Variants in ERCC6L2 observed in about 807,000 individuals in gnomAD.
The protein encoded by ERCC6L2 is ERCC excision repair 6 like 2.
ERCC6L2 carries 77 observed loss-of-function variants against 132.0 expected under a neutral mutation model. The ratio of observed to expected loss-of-function variants is 0.58; its 90% CI spans 0.49 to 0.71. ERCC6L2 has a LOEUF of 0.71. Among genes scored for constraint, ERCC6L2 ranks in the 30% least tolerant of loss-of-function variants. The pLI is 0.00. For missense variants in ERCC6L2, 1,542 were observed against 1,837.6 expected (o/e 0.84, Z 2.94); for synonymous variants, 583 against 632.4 (o/e 0.92, Z 1.17).
chr9:95,965,526 T>G (rs181831591), intron 13 of ERCC6L2, among the ~76,000 whole-genome samples: 39 of 152,232 alleles, frequency 2.6e-4, no homozygotes, highest in Middle Eastern at 6.8e-3. Context: ...CTTTTTTTGT[T>G]TTTTGTGACG....
intron 17 of ERCC6L2, among the ~76,000 whole-genome samples, chr9:95,985,915 G>A (rs922756788): frequency 3.3e-5 from 5 of 152,344 alleles, no homozygotes; most frequent in African/African-American, 1.2e-4. Context: ...GGGATACGAA[G>A]ATGAACAAAC....
intron 4 of ERCC6L2, 52 bp downstream of exon 4, chr9:95,907,323 C>A: frequency 8.7e-7 from 1 of 1,144,360 alleles, no homozygotes; most frequent in Non-Finnish European, 1.2e-6. Flanking sequence ...CTACTTACAT[C>A]CCTTTATATT....
chr9:95,916,569 G>A (rs137975141), intron 6 of ERCC6L2, 135 bp downstream of exon 6: 191 of 645,420 alleles, frequency 3.0e-4, no homozygotes, highest in Non-Finnish European at 4.0e-4. Context: ...AAATTGTTGC[G>A]CGCAGAATTT....
In ERCC6L2 at chr9:96,012,424, C is replaced by T. The variant is rs761192933; in HGVS notation, c.3874C>T (p.Arg1292Cys). The T allele has an allele frequency of 3.7e-6, 5 of 1,363,712 alleles. No individual in the cohort carries two copies. The highest frequency in any genetic ancestry group is 2.1e-4 in the Middle Eastern group (1 of 4,780). The allele number at this position is 1,363,712 out of a possible 1,614,324, so 84.5% of individuals were successfully genotyped here. The change falls in exon 19 of 19, where the codon CGC becomes TGC. Residue 1292 changes from arginine to cysteine, a missense_variant. Transcript: ENST00000653738. ...TTCTTCCTTTGAGAAAGGAGAGCAG[C>T]GCACCCGGAAGAAATCTGATAAAAG... ...NNSSFEKGEQ[R>C]TRKKSDKRES...
At chr9:95,887,913 C>A (rs1827960139) in intron 2 of ERCC6L2, among the ~76,000 whole-genome samples, 2 of 152,150 alleles carry the variant, frequency 1.3e-5, no homozygotes, top group Admixed American at 1.3e-4. Flanking sequence ...GGTTAATTAG[C>A]CCCCAGATCC....
chr9:95,921,956 G>A (rs2132745517), intron 7 of ERCC6L2, among the ~76,000 whole-genome samples: 1 of 152,214 alleles, frequency 6.6e-6, no homozygotes, highest in South Asian at 2.1e-4. Flanking sequence ...GAGCCTTGGA[G>A]CATAAATGAG....
intron 11 of ERCC6L2, among the ~76,000 whole-genome samples, chr9:95,932,878 AT>A (rs562219750): frequency 1.6e-4 from 25 of 152,160 alleles, no homozygotes; most frequent in African/African-American, 5.5e-4. Context: ...CAATATTAAA[AT>A]TTTTTTTGCT....
chr9:96,010,317 T>C (rs1833986187), intron 18 of ERCC6L2, among the ~76,000 whole-genome samples: 1 of 152,178 alleles, frequency 6.6e-6, no homozygotes, highest in African/African-American at 2.4e-5. Flanking sequence ...AAGTTGTGAG[T>C]GTGCTTTATG....
At chr9:96,036,850 T>C (rs1435228246) in intron 19 of ERCC6L2, among the ~76,000 whole-genome samples, 1 of 147,766 alleles carries the variant, frequency 6.8e-6, no homozygotes, top group Non-Finnish European at 1.5e-5. Context: ...CACTGCAAGC[T>C]CCGCCTCCCG....
chr9:96,022,870 C>T (rs371220905), downstream of ERCC6L2, among the ~76,000 whole-genome samples: 2 of 152,320 alleles, frequency 1.3e-5, no homozygotes, highest in East Asian at 3.9e-4. Flanking sequence ...ATACCGCAGG[C>T]TCCTAACCTC....
Position 95,955,989 on chromosome 9 carries a change from G to A in ERCC6L2, c.1923G>A (p.Met641Ile), listed in dbSNP as rs182252007. 3.7e-5 allele frequency: 59 copies of A among 1,604,946 alleles called. No homozygotes were observed. The highest frequency in any genetic ancestry group is 4.7e-5 in the Non-Finnish European group (55 of 1,174,670). Residue 641 changes from methionine (M) to isoleucine (I), a missense_variant, in exon 13 of 19, where the codon ATG becomes ATA. Met to Ile is a conservative substitution (Grantham distance 10, BLOSUM62 1). This residue lies in a region of ERCC6L2 where 945 missense variants were observed against 1,105.2 expected (regional missense o/e 0.86). Coordinates refer to ENST00000653738, the MANE Select transcript of ERCC6L2 (RefSeq NM_020207.7). ...CCTTGGGAACTGTGGAGGAAATCATGTATTTACGACAGATATACAAGCAGG... is the reference window on the plus strand; with the variant it reads ...CCTTGGGAACTGTGGAGGAAATCATATATTTACGACAGATATACAAGCAGG... ...LISLGTVEEI[M>I]YLRQIYKQQL...
chr9:95,928,011 A>C lies in ERCC6L2; in HGVS notation c.1534-68A>C, dbSNP rs927871459. 58 of 967,944 alleles carry C rather than the reference A, an allele frequency of 6.0e-5. No homozygotes were observed. In the Admixed American group the frequency reaches 1.0e-3, roughly 17 times the overall value. The allele number at this position is 967,944 out of a possible 1,614,324, so 60.0% of individuals were successfully genotyped here. On this transcript the variant is annotated intron_variant, in intron 9 of 18. Coordinates refer to ENST00000653738, the MANE Select transcript of ERCC6L2 (RefSeq NM_020207.7). Reference sequence around the variant, plus strand: ...ATAATTTTAAAGAAATTCTCAAGTGATGTTTATATGTATAAAGTGTACTTT... The same window carrying C: ...ATAATTTTAAAGAAATTCTCAAGTGCTGTTTATATGTATAAAGTGTACTTT...
chr9:95,959,957 A>T (rs1000213921), intron 13 of ERCC6L2, among the ~76,000 whole-genome samples: 2 of 152,110 alleles, frequency 1.3e-5, no homozygotes, highest in African/African-American at 4.8e-5. Flanking sequence ...ATACTAAAAA[A>T]GAAGGGAGCC....
At chr9:95,877,022 C>T (rs1827308623) in intron 1 of ERCC6L2, 1 of 152,098 alleles carries the variant, frequency 6.6e-6, no homozygotes, top group African/African-American at 2.4e-5. Flanking sequence ...AGCTCCAGGG[C>T]CCCGAGGTGG....
chr9:95,902,761 C>T (rs1487548066), intron 3 of ERCC6L2, among the ~76,000 whole-genome samples: 1 of 152,016 alleles, frequency 6.6e-6, no homozygotes, highest in Non-Finnish European at 1.5e-5. Flanking sequence ...AAATTTTTAT[C>T]TTGCTTTGAT....
intron 17 of ERCC6L2, among the ~76,000 whole-genome samples, chr9:95,994,059 T>G (rs565108871): frequency 1.8e-4 from 27 of 152,342 alleles, no homozygotes; most frequent in African/African-American, 6.0e-4. Context: ...CAGTAACATT[T>G]TCTATCTCCA....
chr9:96,011,949 T>G (rs985992341), intron 18 of ERCC6L2, among the ~76,000 whole-genome samples: 2 of 152,206 alleles, frequency 1.3e-5, no homozygotes, highest in Non-Finnish European at 1.5e-5. Context: ...ATGCTGGGCC[T>G]CCATAATTCC....
At chr9:96,034,856 C>G (rs1289156422) in intron 19 of ERCC6L2, among the ~76,000 whole-genome samples, 2 of 152,066 alleles carry the variant, frequency 1.3e-5, no homozygotes, top group African/African-American at 4.8e-5. Context: ...AGGATCTGCC[C>G]TCCTGGATGA....
In ERCC6L2 at chr9:96,013,556, C is replaced by T. The variant is rs192435212; in HGVS notation, c.*353C>T. On this transcript the variant is annotated 3_prime_UTR_variant, in exon 19 of 19. Transcript: ENST00000653738. The stretch of plus-strand genomic sequence containing the variant: ...AGTATGAAAGATGAAGAGTCTGTAC[C>T]GAATCAGCATGAGTGTCCTTCCAGT... 14 of 170,234 alleles carry T rather than the reference C, an allele frequency of 8.2e-5. No individual in the cohort carries two copies. The East Asian group carries it at 1.1e-3, about 14-fold the overall frequency. The allele number at this position is 170,234 out of a possible 1,614,324, so 10.5% of individuals were successfully genotyped here. A position where few individuals can be genotyped will look rare whatever the true frequency, so the allele number is the denominator to read the frequency against.
Sources: allele counts gnomAD v4.1 joint callset (sites outside exome capture counted in the v4.1 genomes callset), GRCh38; gene constraint gnomAD v4.1.1; regional missense constraint gnomAD v4.1.1; transcripts MANE v1.5; gene names NCBI Gene and HGNC (gene_info 2026-07-23, HGNC 2026-07-21).